PPM1H: variants seen among roughly 807,000 people sequenced by gnomAD.
The protein encoded by PPM1H is protein phosphatase, Mg2+/Mn2+ dependent 1H, also known as protein phosphatase 1H.
PPM1H carries 27 observed loss-of-function variants against 54.9 expected under a neutral mutation model. The ratio of observed to expected loss-of-function variants is 0.49; its 90% confidence interval spans 0.36 to 0.68. PPM1H has a LOEUF of 0.68. PPM1H is among the 30% of genes least tolerant of loss of function. The probability of loss-of-function intolerance (pLI) is 0.00; values close to 1 mark genes in which losing one functional copy is unlikely to be tolerated. For missense variants in PPM1H, 596 were observed against 667.8 expected (o/e 0.89, Z 1.19); for synonymous variants, 305 against 270.8 (o/e 1.13, Z -1.24).
chr12:62,729,364 TG>T (rs1263295324), intron 5 of PPM1H, among the ~76,000 whole-genome samples: 1 of 151,392 alleles, frequency 6.6e-6, no homozygotes, highest in Non-Finnish European at 1.5e-5. Flanking sequence ...GAGAAGAGAG[TG>T]GGGCAGAGAG....
intron 1 of PPM1H, among the ~76,000 whole-genome samples, chr12:62,922,336 C>CTT (rs60390481): frequency 1.3e-3 from 188 of 148,048 alleles, no homozygotes; most frequent in Admixed American, 1.1e-3. Context: ...GATAGGATGT[C>CTT]TTTTTTTTTT....
At chr12:62,829,384 T>C (rs997405902) in intron 2 of PPM1H, among the ~76,000 whole-genome samples, 16 of 152,306 alleles carry the variant, frequency 1.1e-4, no homozygotes, top group Admixed American at 2.0e-4. Context: ...AATGAATACA[T>C]AGTTTCAGCC....
chr12:62,851,029 G>A (rs1565809387), intron 1 of PPM1H: 1 of 152,154 alleles, frequency 6.6e-6, no homozygotes, highest in East Asian at 1.9e-4. Flanking sequence ...GAAGTCAACT[G>A]TTGAAATACA....
chr12:62,689,569 C>T (rs1285858460), intron 8 of PPM1H, 130 bp downstream of exon 8: 10 of 646,606 alleles, frequency 1.5e-5, no homozygotes, highest in Non-Finnish European at 1.9e-5. Context: ...AAGACACAGA[C>T]GTGAGAGATA....
At chr12:62,836,025 C>G (rs1868492462) in intron 1 of PPM1H, among the ~76,000 whole-genome samples, 1 of 152,192 alleles carries the variant, frequency 6.6e-6, no homozygotes, top group South Asian at 2.1e-4. Context: ...GCAGGTGGAC[C>G]AGGGGCACCA....
intron 2 of PPM1H, among the ~76,000 whole-genome samples, chr12:62,804,762 G>A (rs2076795859): frequency 7.3e-6 from 1 of 136,164 alleles, no homozygotes. Context: ...TGCAAGCTCC[G>A]CCTCCCAGGT....
At chr12:62,821,396 C>T (rs1345396801) in intron 2 of PPM1H, among the ~76,000 whole-genome samples, 1 of 152,156 alleles carries the variant, frequency 6.6e-6, no homozygotes, top group Non-Finnish European at 1.5e-5. Context: ...GGCAGGCCAA[C>T]ATTAAAATTC....
At chr12:62,676,617 T>G (rs1433804795) in intron 8 of PPM1H, among the ~76,000 whole-genome samples, 1 of 152,148 alleles carries the variant, frequency 6.6e-6, no homozygotes, top group African/African-American at 2.4e-5. Context: ...TCGCTGAGCC[T>G]GGTCACTGTC....
At chr12:62,736,015 G>C (rs1257058876) in intron 5 of PPM1H, among the ~76,000 whole-genome samples, 1 of 152,196 alleles carries the variant, frequency 6.6e-6, no homozygotes, top group Non-Finnish European at 1.5e-5. Flanking sequence ...TTCCAGCAAG[G>C]CCAAGAAGGG....
chr12:62,653,677 G>C (rs1341851542), intron 9 of PPM1H, among the ~76,000 whole-genome samples: 1 of 152,134 alleles, frequency 6.6e-6, no homozygotes, highest in African/African-American at 2.4e-5. Flanking sequence ...ATGTGCCCTG[G>C]GTTATCCAAA....
chr12:62,803,639 G>A (rs1361676276), intron 2 of PPM1H, among the ~76,000 whole-genome samples: 4 of 152,132 alleles, frequency 2.6e-5, no homozygotes, highest in East Asian at 3.8e-4. Flanking sequence ...ATTGGTCTTG[G>A]CAATGATTAT....
Position 62,934,779 on chromosome 12 carries a change from C to CG in PPM1H, c.-44dup, listed in dbSNP as rs755805642. On this transcript the variant is annotated 5_prime_UTR_variant, in exon 1 of 10. The change abolishes the stop of an existing upstream ORF in the 5' untranslated region. Coordinates refer to ENST00000228705, the MANE Select transcript of PPM1H (RefSeq NM_020700.2). This position sits in a 1 kb window ranked among gnomAD's most constrained non-coding sequence, Gnocchi z 4.2. ...CTGCAGCGGTGCGAGCAGGAGGCGG[C>CG]GGGGGCCGGGCAAGGCGCAGCGCGG... The CG allele has an allele frequency of 2.8e-6, 4 of 1,441,100 alleles. 1 individual carries two copies. The highest frequency in any genetic ancestry group is 3.7e-6 in the Non-Finnish European group (4 of 1,093,140). The allele number at this position is 1,441,100 out of a possible 1,614,324, so 89.3% of individuals were successfully genotyped here. A position where few individuals can be genotyped will look rare whatever the true frequency, so the allele number is the denominator to read the frequency against.
intron 8 of PPM1H, among the ~76,000 whole-genome samples, chr12:62,669,813 C>A (rs2075944461): frequency 6.6e-6 from 1 of 151,810 alleles, no homozygotes; most frequent in African/African-American, 2.4e-5. Flanking sequence ...GCAGTGCATG[C>A]CTGTCATCCC....
chr12:62,690,495 C>T (rs77428900), intron 7 of PPM1H, among the ~76,000 whole-genome samples: 10,049 of 152,242 alleles, frequency 0.066, 443 homozygotes, highest in Non-Finnish European at 0.1. Context: ...GGGCTGAGAC[C>T]TCATCCTGAA....
intron 1 of PPM1H, among the ~76,000 whole-genome samples, chr12:62,908,950 G>A (rs918401416): frequency 2.0e-5 from 3 of 151,968 alleles, no homozygotes; most frequent in African/African-American, 7.3e-5. Flanking sequence ...TTGGAACTTG[G>A]GCCAATGGAC....
chr12:62,921,684 G>A (rs571559775), intron 1 of PPM1H, among the ~76,000 whole-genome samples: 1 of 152,184 alleles, frequency 6.6e-6, no homozygotes, highest in African/African-American at 2.4e-5. Flanking sequence ...TGCCTGGGAG[G>A]TTCAGGTGGG....
At chr12:62,819,366 A>G (rs2076888581) in intron 2 of PPM1H, among the ~76,000 whole-genome samples, 1 of 144,520 alleles carries the variant, frequency 6.9e-6, no homozygotes, top group Non-Finnish European at 1.5e-5. Flanking sequence ...TGAACTCATG[A>G]TCCACCTGCC....
intron 4 of PPM1H, chr12:62,755,353 G>C (rs1340971685): frequency 8.0e-6 from 8 of 1,004,978 alleles, no homozygotes; most frequent in Non-Finnish European, 1.2e-5. Flanking sequence ...CAACTACATG[G>C]TCTGTGTGTT....
At chr12:62,696,936 T>C (rs2076118161) in intron 6 of PPM1H, among the ~76,000 whole-genome samples, 1 of 152,190 alleles carries the variant, frequency 6.6e-6, no homozygotes, top group Non-Finnish European at 1.5e-5. Flanking sequence ...AATGAGACCA[T>C]TATTGTCCAC....
Sources: allele counts gnomAD v4.1 joint callset (sites outside exome capture counted in the v4.1 genomes callset), GRCh38; gene constraint gnomAD v4.1.1; non-coding constraint Gnocchi (gnomAD v3.1); transcripts MANE v1.5; gene names NCBI Gene and HGNC (gene_info 2026-07-23, HGNC 2026-07-21).